The following SEC22C variants were observed in gnomAD, a reference collection of about 807,000 sequenced individuals.
SEC22C encodes vesicle-trafficking protein SEC22c.
SEC22C carries 29 observed loss-of-function variants against 34.7 expected under a neutral mutation model. The ratio of observed to expected loss-of-function variants is 0.84; its 90% CI spans 0.62 to 1.14. The LOEUF is 1.14. Among genes scored for constraint, SEC22C ranks in the 50% most tolerant of loss-of-function variants. The pLI, the probability that SEC22C is intolerant of heterozygous loss-of-function variation, is 0.00. For synonymous variants in SEC22C, 117 were observed against 132.8 expected (o/e 0.88, Z 0.82); for missense variants, 337 against 369.0 (o/e 0.91, Z 0.71).
intron 2 of SEC22C, chr3:42,566,678 C>CAAAAA: frequency 7.8e-6 from 1 of 128,878 alleles, no homozygotes; most frequent in Non-Finnish European, 1.7e-5. Flanking sequence ...GACTCCGTCT[C>CAAAAA]AAAAAAAAAA....
intron 2 of SEC22C, chr3:42,566,604 A>T: frequency 6.3e-6 from 1 of 158,938 alleles, no homozygotes; most frequent in Non-Finnish European, 1.4e-5. Context: ...GTGTGAACCC[A>T]AGAGGCAGAG....
chr3:42,591,367 T>C, intron 1 of SEC22C: 1 of 612,536 alleles, frequency 1.6e-6, no homozygotes, highest in South Asian at 1.9e-5. Flanking sequence ...CCCGGCTAAT[T>C]TTTGTATTTT....
intron 4 of SEC22C, among the ~76,000 whole-genome samples, chr3:42,559,395 A>G (rs534214695): frequency 2.0e-5 from 3 of 152,362 alleles, no homozygotes; most frequent in African/African-American, 7.2e-5. Context: ...CTAAGTGTTT[A>G]AAAAACAAAA....
intron 1 of SEC22C, among the ~76,000 whole-genome samples, chr3:42,589,004 C>T (rs1388266059): frequency 3.3e-5 from 5 of 152,094 alleles, no homozygotes; most frequent in South Asian, 2.1e-4. Context: ...GTAGCTCACA[C>T]CTGTAATCCC....
At chr3:42,560,096 TTCTCTCTC>T (rs4016302) in intron 4 of SEC22C, among the ~76,000 whole-genome samples, 17 of 138,702 alleles carry the variant, frequency 1.2e-4, no homozygotes, top group Middle Eastern at 3.6e-3. Flanking sequence ...ATGATAAGGA[TTCTCTCTC>T]TCTCTCTCTC....
chr3:42,554,643 G>A (rs1163391857), intron 6 of SEC22C, among the ~76,000 whole-genome samples: 1 of 152,116 alleles, frequency 6.6e-6, no homozygotes, highest in East Asian at 1.9e-4. Context: ...CCTGGCCTGG[G>A]TAATTCTTAA....
rs367965736 is a variant in SEC22C at position 42,569,066 on chromosome 3, G to A, written c.-20C>T. On this transcript the variant is annotated 5_prime_UTR_variant, in exon 2 of 7. Coordinates refer to ENST00000264454, the MANE Select transcript of SEC22C (RefSeq NM_032970.4). ...GGACATGGTCCACAAGAGAAGTCAT[G>A]AGGACACCTGAGGAAAGCAAGGTCA... 6.2e-7 allele frequency: 1 copy of A among 1,606,296 alleles called. No individual in the cohort carries two copies. Among genetic ancestry groups the A allele is most frequent in the African/African-American group, 1.3e-5 (1 of 74,844 alleles).
rs952333057 is a variant in SEC22C at position 42,548,471 on chromosome 3, G to A, written c.*4777C>T. ...TCAATACACATGGGCAGATGTTTCCGAATCCAGCCATTCCCAGATTTCACT... is the reference window on the plus strand; with the variant it reads ...TCAATACACATGGGCAGATGTTTCCAAATCCAGCCATTCCCAGATTTCACT... On this transcript the variant is annotated 3_prime_UTR_variant, in exon 7 of 7. Transcript: ENST00000264454. 1.6e-5 allele frequency: 14 copies of A among 900,006 alleles called. No homozygotes were observed. The highest frequency in any genetic ancestry group is 2.3e-5 in the Admixed American group (1 of 43,980). 55.8% of individuals were successfully genotyped at this position (900,006 alleles called of 1,614,324 possible).
At chr3:42,587,180 A>G (rs1404435281) in intron 1 of SEC22C, among the ~76,000 whole-genome samples, 1 of 152,202 alleles carries the variant, frequency 6.6e-6, no homozygotes, top group Non-Finnish European at 1.5e-5. Context: ...TACAGCCAAT[A>G]AAACTCTAAA....
At chr3:42,573,873 A>C (rs947702521) in intron 1 of SEC22C, among the ~76,000 whole-genome samples, 1 of 152,208 alleles carries the variant, frequency 6.6e-6, no homozygotes, top group Non-Finnish European at 1.5e-5. Flanking sequence ...AAAAATGACC[A>C]ACTATTCATG....
upstream of SEC22C, chr3:42,582,080 C>T (rs376037362): frequency 9.2e-5 from 14 of 152,390 alleles, no homozygotes; most frequent in South Asian, 1.7e-3. Flanking sequence ...CCACAGCCCC[C>T]GTCCCGGCGA....
intron 4 of SEC22C, among the ~76,000 whole-genome samples, chr3:42,560,162 T>A (rs137991446): frequency 2.7e-5 from 4 of 145,522 alleles, no homozygotes; most frequent in Non-Finnish European, 6.0e-5. Context: ...TTATATATAT[T>A]ATATATATTT....
exon 1 of SEC22C, chr3:42,600,961 G>T (rs1411794999): frequency 4.2e-6 from 6 of 1,424,404 alleles, no homozygotes; most frequent in Admixed American, 4.4e-5. Context: ...TGCCCTGACC[G>T]CTTTTCTCCC....
intron 1 of SEC22C, among the ~76,000 whole-genome samples, chr3:42,592,199 T>C (rs1177818945): frequency 6.6e-6 from 1 of 152,062 alleles, no homozygotes; most frequent in Non-Finnish European, 1.5e-5. Context: ...CATTTTTTTC[T>C]TTTCTTTTTT....
chr3:42,558,317 CAA>C (rs763910680), intron 4 of SEC22C, among the ~76,000 whole-genome samples: 2 of 124,728 alleles, frequency 1.6e-5, no homozygotes, highest in African/African-American at 3.0e-5. Flanking sequence ...CCTGTCTCTA[CAA>C]AAAAAAAAAA....
intron 1 of SEC22C, among the ~76,000 whole-genome samples, chr3:42,570,694 C>T (rs1027945324): frequency 2.0e-5 from 3 of 152,122 alleles, no homozygotes; most frequent in African/African-American, 4.8e-5. Flanking sequence ...TTACAGCAGA[C>T]GCCTAGCCAA....
rs1381027605 is a variant in SEC22C, at chr3:42,568,924, G to A, written c.123C>T (p.Ala41=). ...LEWRRRLKSL[A]LRLAQYPGRG... is the part of the protein sequence containing the mutation. Reference sequence around the variant, plus strand: ...GACCTGGATACTGGGCCAGTCGCAAGGCTAAACTCTTGAGCCGTCTCCTCC... The same window carrying A: ...GACCTGGATACTGGGCCAGTCGCAAAGCTAAACTCTTGAGCCGTCTCCTCC... Residue 41 remains alanine, a synonymous_variant, in exon 2 of 7, where the codon GCC becomes GCT. Coordinates refer to ENST00000264454, the MANE Select transcript of SEC22C (RefSeq NM_032970.4). The A allele has an allele frequency of 2.5e-6, 4 of 1,614,200 alleles. No individual in the cohort carries two copies. Among genetic ancestry groups the A allele is most frequent in the Non-Finnish European group, 2.5e-6 (3 of 1,180,032 alleles).
In SEC22C at chr3:42,548,807, G is replaced by T; in HGVS notation, c.*4441C>A. 6.8e-7 allele frequency: 1 copy of T among 1,463,218 alleles called. No individual in the cohort carries two copies. Among genetic ancestry groups the T allele is most frequent in the East Asian group, 2.5e-5 (1 of 40,656 alleles). 90.6% of individuals were successfully genotyped at this position (1,463,218 alleles called of 1,614,324 possible). A position where few individuals can be genotyped will look rare whatever the true frequency, so the allele number is the denominator to read the frequency against. ...TATAACAAAATGCCTTTTTGTAAAG[G>T]CCAGAAGAAATGGCTGTGCTGTGCT... On this transcript the variant is annotated 3_prime_UTR_variant, in exon 7 of 7. Transcript: ENST00000264454.
intron 1 of SEC22C, among the ~76,000 whole-genome samples, chr3:42,575,049 T>C (rs779775930): frequency 6.6e-6 from 1 of 152,230 alleles, no homozygotes; most frequent in Non-Finnish European, 1.5e-5. Flanking sequence ...GATCTTGCTA[T>C]GTTGCCACAG....
Sources: allele counts gnomAD v4.1 joint callset (sites outside exome capture counted in the v4.1 genomes callset), GRCh38; gene constraint gnomAD v4.1.1; transcripts MANE v1.5; gene names NCBI Gene and HGNC (gene_info 2026-07-23, HGNC 2026-07-21).